Variants in NLRP9 observed in about 807,000 individuals in gnomAD.
NLRP9 encodes NACHT, LRR and PYD domains-containing protein 9.
A neutral mutation model predicts 83.1 loss-of-function variants in NLRP9; 88 were observed. That is an observed-to-expected ratio of 1.06 (90% CI 0.89 to 1.26). NLRP9 has a LOEUF of 1.26. Among genes scored for constraint, NLRP9 ranks in the 50% most tolerant of loss-of-function variants. The probability of loss-of-function intolerance (pLI) is 0.00; values close to 1 mark genes in which losing one functional copy is unlikely to be tolerated. For synonymous variants in NLRP9, 521 were observed against 447.6 expected (o/e 1.16, Z -2.07); for missense variants, 1,308 against 1,179.3 (o/e 1.11, Z -1.60).
Position 55,729,682 on chromosome 19 carries a change from G to A in NLRP9, c.1994+149C>T, listed in dbSNP as rs1600139941. 3.0e-5 allele frequency: 18 copies of A among 599,114 alleles called. No homozygotes were observed. In the East Asian group the frequency reaches 4.8e-4, roughly 16 times the overall value. 37.1% of individuals were successfully genotyped at this position (599,114 alleles called of 1,614,324 possible). On this transcript the variant is annotated intron_variant, in intron 3 of 8. Transcript: ENST00000332836. The stretch of plus-strand genomic sequence containing the variant: ...CCAAGTCTTTGCTATTGTGAATAGT[G>A]CCGCAATAAACATACATGTACATGT...
intron 3 of NLRP9, among the ~76,000 whole-genome samples, chr19:55,726,589 A>C (rs1216511309): frequency 6.6e-6 from 1 of 152,160 alleles, no homozygotes; most frequent in African/African-American, 2.4e-5. Context: ...GCCTCTACTG[A>C]TGCCACTCTG....
intron 8 of NLRP9, among the ~76,000 whole-genome samples, chr19:55,710,155 C>T (rs17886456): frequency 0.41 from 61,824 of 151,940 alleles, 14,140 homozygotes; most frequent in African/African-American, 0.62. Flanking sequence ...GCTCTGAATG[C>T]TTGCTACTGT....
intron 7 of NLRP9, 47 bp downstream of exon 7, chr19:55,712,370 ATTC>A: frequency 6.7e-7 from 1 of 1,500,098 alleles, no homozygotes; most frequent in East Asian, 2.3e-5. Flanking sequence ...AGCAATTCCT[ATTC>A]TTGAAATAGA....
intron 4 of NLRP9, among the ~76,000 whole-genome samples, chr19:55,723,689 T>C (rs969772785): frequency 1.0e-4 from 15 of 143,836 alleles, no homozygotes; most frequent in Non-Finnish European, 4.5e-5. Flanking sequence ...GATTGCGTCA[T>C]TGCACTCCAG....
At chr19:55,710,788 A>T (rs1568590447) in intron 8 of NLRP9, among the ~76,000 whole-genome samples, 2 of 152,126 alleles carry the variant, frequency 1.3e-5, no homozygotes, top group African/African-American at 4.8e-5. Flanking sequence ...TCTTTCCTTT[A>T]TAAGTTACCA....
In NLRP9 at chr19:55,732,895, A is replaced by G; in HGVS notation, c.936T>C (p.Gly312=). ...EKKSYFSYFF[G]EKSKALKVFN... ...AGACTTTCAGGGCTTTGCTCTTCTC[A>G]CCAAAGAAGTAGGAGAAATACGACT... Residue 312 remains glycine, a synonymous_variant, in exon 2 of 9, where the codon GGT becomes GGC. Coordinates refer to ENST00000332836, the MANE Select transcript of NLRP9 (RefSeq NM_176820.4). 6.2e-7 allele frequency: 1 copy of G among 1,613,944 alleles called. No individual in the cohort carries two copies. The highest frequency in any genetic ancestry group is 8.5e-7 in the Non-Finnish European group (1 of 1,179,996).
intron 3 of NLRP9, among the ~76,000 whole-genome samples, chr19:55,729,038 A>ATTTT (rs1363279841): frequency 9.4e-6 from 1 of 105,880 alleles, no homozygotes; most frequent in African/African-American, 3.9e-5. Flanking sequence ...TGCTTATCTT[A>ATTTT]TTTTTCTTTT....
chr19:55,730,080 C>T (rs929613305), intron 2 of NLRP9, 88 bp from the exon 3 acceptor site: 3 of 1,247,970 alleles, frequency 2.4e-6, no homozygotes, highest in Non-Finnish European at 2.2e-6. Context: ...TTCCAAAGCA[C>T]CTCAAAGCTG....
At chr19:55,715,963 G>A (rs571219430) in intron 5 of NLRP9, among the ~76,000 whole-genome samples, 28 of 152,138 alleles carry the variant, frequency 1.8e-4, no homozygotes, top group Non-Finnish European at 3.5e-4. Context: ...AAGTGCTCTA[G>A]TCACAAAAAA....
intron 4 of NLRP9, among the ~76,000 whole-genome samples, chr19:55,718,020 G>A (rs1475142603): frequency 6.6e-6 from 1 of 152,216 alleles, no homozygotes; most frequent in Non-Finnish European, 1.5e-5. Context: ...TTGAGATGCT[G>A]ATAATCCATA....
At chr19:55,710,883 C>T (rs1279692312) in intron 8 of NLRP9, among the ~76,000 whole-genome samples, 3 of 152,004 alleles carry the variant, frequency 2.0e-5, no homozygotes, top group East Asian at 1.9e-4. Context: ...GTCAGGAGTT[C>T]GAGACTAGCC....
At chr19:55,725,984 C>G (rs1401501482) in intron 3 of NLRP9, among the ~76,000 whole-genome samples, 1 of 151,862 alleles carries the variant, frequency 6.6e-6, no homozygotes, top group Admixed American at 6.6e-5. Flanking sequence ...CGAGATTGCA[C>G]CATTGCACTC....
rs1250671987 is a variant in NLRP9, at chr19:55,709,114, G to T, written c.2844-70C>A. 4 of 1,071,966 alleles carry T rather than the reference G, an allele frequency of 3.7e-6. No individual in the cohort carries two copies. In the African/African-American group the frequency reaches 6.7e-5, roughly 18 times the overall value. 66.4% of individuals were successfully genotyped at this position (1,071,966 alleles called of 1,614,324 possible). On this transcript the variant is annotated intron_variant, in intron 8 of 8. Transcript: ENST00000332836. ...ACACAGTATTGCCTCTCTACATTCT[G>T]ATGTCTACCTCTCCTCTCCTCTTTA...
chr19:55,709,002 C>G lies in NLRP9; in HGVS notation c.2886G>C (p.Leu962=). The G allele has an allele frequency of 6.3e-7, 1 of 1,588,304 alleles. No homozygotes were observed. The highest frequency in any genetic ancestry group is 2.3e-5 in the East Asian group (1 of 43,336). ...SGFDEETQKI[L]MSVEEKIPHL... is the part of the protein sequence containing the mutation. ...GGGGAATTTTTTCTTCCACAGACATCAGGATCTTCTGAGTTTCTTCATCAA... is the reference window on the plus strand; with the variant it reads ...GGGGAATTTTTTCTTCCACAGACATGAGGATCTTCTGAGTTTCTTCATCAA... The change falls in exon 9 of 9, where the codon CTG becomes CTC. Residue 962 remains leucine (L), a synonymous_variant. Transcript: ENST00000332836.
intron 8 of NLRP9, 55 bp from the exon 9 acceptor site, chr19:55,709,099 G>A (rs942290341): frequency 7.6e-7 from 1 of 1,320,424 alleles, no homozygotes; most frequent in Non-Finnish European, 1.0e-6. Flanking sequence ...ACACAGTATT[G>A]CCTCTCTACA....
chr19:55,718,081 G>A (rs904958967), intron 4 of NLRP9, among the ~76,000 whole-genome samples: 4 of 152,204 alleles, frequency 2.6e-5, no homozygotes, highest in Non-Finnish European at 4.4e-5. Flanking sequence ...AATGGATTTA[G>A]GGCTGTGCAG....
rs777249450 is a variant in NLRP9 at position 55,732,676 on chromosome 19, A to G, written c.1155T>C (p.Pro385=). Reference sequence around the variant, plus strand: ...TTTTTAGTCGGGCTCTGTTCACCTTAGGTGGAAAACTCTGACTTCCTGCTT... The same window carrying G: ...TTTTTAGTCGGGCTCTGTTCACCTTGGGTGGAAAACTCTGACTTCCTGCTT... ...VFKAGSQSFP[P]KVNRARLKSL... The change falls in exon 2 of 9, where the codon CCT becomes CCC. Residue 385 remains proline (P), a synonymous_variant. Transcript: ENST00000332836. The G allele has an allele frequency of 2.5e-5, 41 of 1,614,088 alleles. No homozygotes were observed. Among genetic ancestry groups the G allele is most frequent in the Non-Finnish European group, 3.1e-5 (37 of 1,180,052 alleles).
At chr19:55,722,937 G>C (rs1448986597) in intron 4 of NLRP9, among the ~76,000 whole-genome samples, 1 of 152,070 alleles carries the variant, frequency 6.6e-6, no homozygotes, top group Non-Finnish European at 1.5e-5. Flanking sequence ...CATAAGTGGA[G>C]TTGATCAGTG....
intron 7 of NLRP9, 34 bp from the exon 8 acceptor site, chr19:55,712,004 T>C (rs911768879): frequency 7.5e-6 from 12 of 1,600,234 alleles, no homozygotes; most frequent in Non-Finnish European, 1.0e-5. Flanking sequence ...GAATCCACTC[T>C]AGCTTTGGGT....
Sources: gnomAD v4.1 joint callset for allele counts (sites outside exome capture counted in the v4.1 genomes callset) on GRCh38, gnomAD v4.1.1 for gene constraint, MANE v1.5 for transcripts, NCBI Gene and HGNC (gene_info 2026-07-23, HGNC 2026-07-21) for gene names.